Variants in MYOM2 observed in about 807,000 individuals in gnomAD.
The protein encoded by MYOM2 is myomesin 2.
In MYOM2, 254 loss-of-function variants were observed where a neutral mutation model predicts 187.6. The ratio of observed to expected loss-of-function variants is 1.35; its 90% CI spans 1.22 to 1.50. The LOEUF (loss-of-function observed/expected upper bound fraction) is 1.50, where lower values mean the gene tolerates loss of function less well. Among genes scored for constraint, MYOM2 ranks in the 40% most tolerant of loss-of-function variants. MYOM2 has a pLI of 0.00. For synonymous variants in MYOM2, 981 were observed against 753.8 expected (o/e 1.30, Z -4.94); for missense variants, 2,796 against 1,924.0 (o/e 1.45, Z -8.48).
chr8:2,096,658 G>A (rs116412014), intron 18 of MYOM2, among the ~76,000 whole-genome samples: 1 of 152,164 alleles, frequency 6.6e-6, no homozygotes, highest in Non-Finnish European at 1.5e-5. Context: ...GATGGAGTGG[G>A]CCTGACAGTG....
intron 21 of MYOM2, among the ~76,000 whole-genome samples, chr8:2,104,254 A>C (rs1796818073): frequency 6.6e-6 from 1 of 152,208 alleles, no homozygotes; most frequent in African/African-American, 2.4e-5. Flanking sequence ...CATAGGATAC[A>C]CAGTCTATTT....
chr8:2,126,717 C>T (rs1273985296), intron 31 of MYOM2, among the ~76,000 whole-genome samples: 1 of 115,202 alleles, frequency 8.7e-6, no homozygotes, highest in African/African-American at 3.4e-5. Flanking sequence ...TGGGTGAGCA[C>T]TGGGGGAGGC....
chr8:2,144,964 T>A lies in MYOM2; in HGVS notation c.4381T>A (p.Ser1461Thr), dbSNP rs1473166863. ...AKPKLIPASASAAGQ is the reference protein window; with the variant it reads ...AKPKLIPASATAAGQ Reference sequence around the variant, plus strand: ...GCCCAAGCTCATCCCCGCGTCTGCCTCAGCGGCAGGCCAGTGAAGGCGTTT... The same window carrying A: ...GCCCAAGCTCATCCCCGCGTCTGCCACAGCGGCAGGCCAGTGAAGGCGTTT... Residue 1461 changes from serine to threonine, a missense_variant, in exon 37 of 37, where the codon TCA becomes ACA. Coordinates refer to ENST00000262113, the MANE Select transcript of MYOM2 (RefSeq NM_003970.4). 18 of 1,613,908 alleles carry A rather than the reference T, an allele frequency of 1.1e-5. No homozygotes were observed. The highest frequency in any genetic ancestry group is 1.5e-5 in the Non-Finnish European group (18 of 1,180,016).
At chr8:2,089,549 T>C (rs1375548322) in intron 14 of MYOM2, among the ~76,000 whole-genome samples, 1 of 152,250 alleles carries the variant, frequency 6.6e-6, no homozygotes, top group African/African-American at 2.4e-5. Context: ...TGTCTGACCG[T>C]ATTGACAGCC....
intron 12 of MYOM2, 56 bp downstream of exon 12, chr8:2,078,989 G>T: frequency 6.4e-7 from 1 of 1,560,318 alleles, no homozygotes; most frequent in Non-Finnish European, 8.8e-7. Context: ...GCTGTTTTGT[G>T]TGTGATTTGT....
chr8:2,105,918 G>A lies in MYOM2; in HGVS notation c.2735-324G>A, dbSNP rs958281580. Among the ~76,000 whole-genome samples, 11 of 152,292 alleles carry A rather than the reference G, an allele frequency of 7.2e-5. No homozygotes were observed. The South Asian group carries it at 1.0e-3, about 14-fold the overall frequency. ...AGGTTTAATTGACTGACAGTCCTTC[G>A]TGGCTGGGGAGGCCTCAGGAAACTT... On this transcript the variant is annotated intron_variant, in intron 21 of 36. Transcript: ENST00000262113.
chr8:2,061,632 TCCTC>T (rs1818854367), intron 6 of MYOM2, among the ~76,000 whole-genome samples: 1 of 151,982 alleles, frequency 6.6e-6, no homozygotes, highest in African/African-American at 2.4e-5. Flanking sequence ...TCCTGCTTCC[TCCTC>T]CCAGGAGCCT....
intron 19 of MYOM2, among the ~76,000 whole-genome samples, chr8:2,099,556 T>C (rs1796613459): frequency 6.6e-6 from 1 of 152,190 alleles, no homozygotes; most frequent in South Asian, 2.1e-4. Flanking sequence ...GGCATCATTG[T>C]TGCAGACCTG....
In MYOM2 at chr8:2,088,907, C is replaced by A. The variant is rs534253291; in HGVS notation, c.1645-1101C>A. On this transcript the variant is annotated intron_variant, in intron 14 of 36. Coordinates refer to ENST00000262113, the MANE Select transcript of MYOM2 (RefSeq NM_003970.4). The stretch of plus-strand genomic sequence containing the variant: ...TGGATAAGCCTTCCCTTTGTGGACC[C>A]ATATTCTGATGTAGGAGAGGAAGCT... 3.3e-4 allele frequency among the ~76,000 whole-genome samples: 50 copies of A among 152,352 alleles called. 2 individuals carry two copies. The highest frequency in any genetic ancestry group is 6.8e-3 in the Middle Eastern group (2 of 294).
intron 32 of MYOM2, among the ~76,000 whole-genome samples, chr8:2,133,493 C>T (rs1315063555): frequency 6.6e-6 from 1 of 152,222 alleles, no homozygotes; most frequent in Non-Finnish European, 1.5e-5. Context: ...CGGAGTGTTG[C>T]TCTGTCACCC....
At chr8:2,144,573 C>G in intron 36 of MYOM2, 91 bp from the exon 37 acceptor site, 1 of 1,274,814 alleles carries the variant, frequency 7.8e-7, no homozygotes, top group Admixed American at 2.1e-5. Context: ...ATAAATGTAA[C>G]TGAGTGTGAC....
chr8:2,145,331 G>C lies in MYOM2; in HGVS notation c.*350G>C, dbSNP rs1053406808. The C allele has an allele frequency of 2.8e-6, 1 of 353,988 alleles. No individual in the cohort carries two copies. 21.9% of individuals were successfully genotyped at this position (353,988 alleles called of 1,614,324 possible). A position where few individuals can be genotyped will look rare whatever the true frequency, so the allele number is the denominator to read the frequency against. ...ATGTGGCGGTCTGTGTGAAGCCACC[G>C]TGCTTCTCTTTGGGGGGCCGCGAGA... On this transcript the variant is annotated 3_prime_UTR_variant, in exon 37 of 37. Coordinates refer to ENST00000262113, the MANE Select transcript of MYOM2 (RefSeq NM_003970.4).
At chr8:2,128,860 A>C (rs533977465) in intron 31 of MYOM2, among the ~76,000 whole-genome samples, 2 of 152,328 alleles carry the variant, frequency 1.3e-5, no homozygotes, top group South Asian at 4.1e-4. Context: ...TGAGGGGCAG[A>C]TGTTGAATCT....
chr8:2,106,567 G>A lies in MYOM2; in HGVS notation c.2968G>A (p.Val990Met). Residue 990 changes from valine to methionine, a missense_variant, in exon 23 of 37, where the codon GTG becomes ATG. Coordinates refer to ENST00000262113, the MANE Select transcript of MYOM2 (RefSeq NM_003970.4). Reference sequence around the variant, plus strand: ...CGTGTCTGTAAGTGATACAGACGGAGTGTCCTCCAGTTTTGTTCTGGACCC... The same window carrying A: ...CGTGTCTGTAAGTGATACAGACGGAATGTCCTCCAGTTTTGTTCTGGACCC... ...YSVSVSDTDG[V>M]SSSFVLDPEE... 1 of 1,608,760 alleles carries A rather than the reference G, an allele frequency of 6.2e-7. No homozygotes were observed. The highest frequency in any genetic ancestry group is 8.5e-7 in the Non-Finnish European group (1 of 1,175,486).
intron 12 of MYOM2, 47 bp downstream of exon 12, chr8:2,078,980 C>A: frequency 6.3e-7 from 1 of 1,580,842 alleles, no homozygotes; most frequent in Non-Finnish European, 8.7e-7. Flanking sequence ...GAAGCTTTGG[C>A]TGTTTTGTGT....
intron 14 of MYOM2, among the ~76,000 whole-genome samples, chr8:2,087,554 A>T (rs965141791): frequency 2.6e-5 from 4 of 152,190 alleles, no homozygotes; most frequent in African/African-American, 9.7e-5. Flanking sequence ...GTATTTTCTC[A>T]GGCCCCTCAT....
chr8:2,077,676 C>G (rs1191124077), intron 11 of MYOM2, among the ~76,000 whole-genome samples: 2 of 152,110 alleles, frequency 1.3e-5, no homozygotes, highest in Non-Finnish European at 2.9e-5. Context: ...AGTTTTCCCG[C>G]CATGTTGACA....
At position 2,094,042 on chromosome 8, in the gene MYOM2, G is replaced by A. The variant is rs142558440; in HGVS notation, c.2076G>A (p.Met692Ile). ...FRVKAVNAVG[M>I]SENSQESDVI... Reference sequence around the variant, plus strand: ...TCAAGGCGGTCAATGCTGTGGGGATGAGTGAAAATTCCCAGGAATCAGACG... The same window carrying A: ...TCAAGGCGGTCAATGCTGTGGGGATAAGTGAAAATTCCCAGGAATCAGACG... Residue 692 changes from methionine (M) to isoleucine (I), a missense_variant, in exon 17 of 37, where the codon ATG becomes ATA. Physicochemically the swap from Met to Ile is conservative, Grantham distance 10 (BLOSUM62 1). Coordinates refer to ENST00000262113, the MANE Select transcript of MYOM2 (RefSeq NM_003970.4). 3.7e-5 allele frequency: 60 copies of A among 1,614,042 alleles called. No homozygotes were observed. The African/African-American group carries it at 7.1e-4, about 19-fold the overall frequency.
In MYOM2 at chr8:2,127,822, A is replaced by G. The variant is rs1033327229; in HGVS notation, c.3695-1305A>G. The stretch of plus-strand genomic sequence containing the variant: ...CGCAGCCGGAGAGAGCTTCACGCAC[A>G]CCATCTCTTCGTTCTTCCTCAACTC... On this transcript the variant is annotated intron_variant, in intron 31 of 36. Transcript: ENST00000262113. 13 of 156,564 alleles carry G rather than the reference A, an allele frequency of 8.3e-5. 1 individual carries two copies. Among genetic ancestry groups the G allele is most frequent in the African/African-American group, 2.7e-4 (11 of 41,414 alleles). 9.7% of individuals were successfully genotyped at this position (156,564 alleles called of 1,614,324 possible).
Sources: gnomAD v4.1 joint callset for allele counts (sites outside exome capture counted in the v4.1 genomes callset) on GRCh38, gnomAD v4.1.1 for gene constraint, MANE v1.5 for transcripts, NCBI Gene and HGNC (gene_info 2026-07-23, HGNC 2026-07-21) for gene names.